The following SLC39A12 variants were observed in gnomAD, a reference collection of about 807,000 sequenced individuals.
SLC39A12 encodes the protein solute carrier family 39 member 12.
A neutral mutation model predicts 71.1 loss-of-function variants in SLC39A12; 63 were observed. The observed-to-expected ratio is 0.89, with a 90% CI of 0.72 to 1.09. The LOEUF (loss-of-function observed/expected upper bound fraction) is 1.09. Ranked by LOEUF, SLC39A12 falls within the 50% of genes least tolerant of loss-of-function variation. SLC39A12 has a pLI of 0.00. For missense variants in SLC39A12, 892 were observed against 812.6 expected, an observed-to-expected ratio of 1.10 and a Z score of -1.19; for synonymous variants, 351 against 301.3, an observed-to-expected ratio of 1.16 and a Z score of -1.71.
At chr10:18,039,760 A>T (rs186894160) in intron 12 of SLC39A12, among the ~76,000 whole-genome samples, 1 of 152,190 alleles carries the variant, frequency 6.6e-6, no homozygotes. Context: ...GAAAATTCCC[A>T]TGTATGTACC....
rs753956889 is a variant in SLC39A12 at position 17,987,517 on chromosome 10, C to A, written c.1135C>A (p.Leu379Met). The A allele has an allele frequency of 1.9e-6, 3 of 1,614,026 alleles. No individual in the cohort carries two copies. The highest frequency in any genetic ancestry group is 1.7e-5 in the Admixed American group (1 of 60,018). ...YSTVAVTLLT[L>M]GSMLGTALVL... is the part of the protein sequence containing the mutation. Reference sequence around the variant, plus strand: ...CACGGTGGCTGTCACCCTTCTCACACTGGGCTCCATGCTGGGGACAGCGCT... The same window carrying A: ...CACGGTGGCTGTCACCCTTCTCACAATGGGCTCCATGCTGGGGACAGCGCT... Residue 379 changes from leucine to methionine, a missense_variant, in exon 7 of 13, where the codon CTG (leucine) becomes ATG (methionine). Coordinates refer to ENST00000377369, the MANE Select transcript of SLC39A12 (RefSeq NM_001145195.2).
intron 9 of SLC39A12, among the ~76,000 whole-genome samples, chr10:17,995,247 G>T (rs1366376383): frequency 6.6e-6 from 1 of 152,120 alleles, no homozygotes; most frequent in Non-Finnish European, 1.5e-5. Flanking sequence ...AAAATACATC[G>T]ACTGCTCACA....
At chr10:18,011,900 T>G (rs763203047) in intron 12 of SLC39A12, among the ~76,000 whole-genome samples, 6 of 152,216 alleles carry the variant, frequency 3.9e-5, no homozygotes, top group Non-Finnish European at 8.8e-5. Flanking sequence ...TTTGAATTAT[T>G]CAGCAAATAA....
In SLC39A12 at chr10:18,032,914, GT is replaced by G. The variant is rs756523738; in HGVS notation, c.1948-9786del. Among the ~76,000 whole-genome samples, 667 of 127,898 alleles carry G rather than the reference GT, an allele frequency of 5.2e-3. 12 individuals carry two copies. Among genetic ancestry groups the G allele is most frequent in the Admixed American group, 0.011 (139 of 12,612 alleles). 83.9% of individuals were successfully genotyped at this position (127,898 alleles called of 152,430 possible). Reference sequence around the variant, plus strand: ...CTGCATCTATTGAGATAATCATGTGGTTTTTGTCTTTGGCTCTGTTTATATG... The same window carrying G: ...CTGCATCTATTGAGATAATCATGTGGTTTTGTCTTTGGCTCTGTTTATATG... On this transcript the variant is annotated intron_variant, in intron 12 of 12. Coordinates refer to ENST00000377369, the MANE Select transcript of SLC39A12 (RefSeq NM_001145195.2).
chr10:17,976,812 A>G (rs190592009), intron 4 of SLC39A12, among the ~76,000 whole-genome samples: 57 of 152,296 alleles, frequency 3.7e-4, no homozygotes, highest in Non-Finnish European at 6.9e-4. Context: ...GATGTTTGAT[A>G]TGCTTCTTGA....
intron 12 of SLC39A12, among the ~76,000 whole-genome samples, chr10:18,041,020 A>G (rs139622732): frequency 8.5e-5 from 13 of 152,144 alleles, no homozygotes; most frequent in East Asian, 3.9e-4. Context: ...GGGTCTCACA[A>G]TGAAGGATGA....
chr10:17,987,396 C>T (rs1412227964), intron 6 of SLC39A12, 83 bp from the exon 7 acceptor site: 32 of 1,304,324 alleles, frequency 2.5e-5, no homozygotes, highest in Non-Finnish European at 3.5e-5. Flanking sequence ...ACTGTAAGAC[C>T]AATTCTTCTG....
rs150002872 is a variant in SLC39A12 at position 17,988,181 on chromosome 10, G to A, written c.1269+530G>A. Among the ~76,000 whole-genome samples the A allele has an allele frequency of 6.3e-3, 961 of 152,246 alleles. 6 individuals carry two copies. The highest frequency in any genetic ancestry group is 0.012 in the Admixed American group (191 of 15,296). On this transcript the variant is annotated intron_variant, in intron 7 of 12. Coordinates refer to ENST00000377369, the MANE Select transcript of SLC39A12 (RefSeq NM_001145195.2). ...AAATTAGCTGGGCATAGTGCCATGC[G>A]TCTGTAATCCTAGCTACTCGGGAGG...
chr10:18,028,490 T>C (rs1461466767), intron 12 of SLC39A12, among the ~76,000 whole-genome samples: 1 of 152,178 alleles, frequency 6.6e-6, no homozygotes, highest in Non-Finnish European at 1.5e-5. Flanking sequence ...GAAACTCAGA[T>C]GTACAAGAAA....
intron 12 of SLC39A12, among the ~76,000 whole-genome samples, chr10:18,037,192 G>A (rs1409997361): frequency 6.6e-6 from 1 of 152,058 alleles, no homozygotes; most frequent in Non-Finnish European, 1.5e-5. Flanking sequence ...TTCTGTTGGT[G>A]TGTTTGCTGT....
At chr10:17,968,387 T>G (rs1369163376) in intron 4 of SLC39A12, among the ~76,000 whole-genome samples, 1 of 152,122 alleles carries the variant, frequency 6.6e-6, no homozygotes, top group Non-Finnish European at 1.5e-5. Context: ...ATTTATAGAG[T>G]CTTTCATATT....
At chr10:18,007,520 T>C (rs2130854379) in intron 12 of SLC39A12, among the ~76,000 whole-genome samples, 1 of 151,994 alleles carries the variant, frequency 6.6e-6, no homozygotes, top group South Asian at 2.1e-4. Flanking sequence ...TCAGAGAGAG[T>C]CCACAGTGCA....
chr10:18,017,554 AC>A (rs1451112671), intron 12 of SLC39A12, among the ~76,000 whole-genome samples: 1 of 151,730 alleles, frequency 6.6e-6, no homozygotes, highest in Non-Finnish European at 1.5e-5. Context: ...TGATCCACCC[AC>A]CTTTTTGTGA....
At chr10:17,963,336 A>G (rs1171196062) in intron 3 of SLC39A12, among the ~76,000 whole-genome samples, 1 of 152,204 alleles carries the variant, frequency 6.6e-6, no homozygotes. Context: ...TTACTGCCTC[A>G]TGGGTAACTC....
chr10:18,028,522 A>G (rs1328929714), intron 12 of SLC39A12, among the ~76,000 whole-genome samples: 1 of 151,880 alleles, frequency 6.6e-6, no homozygotes, highest in African/African-American at 2.4e-5. Flanking sequence ...TACGAGTTCC[A>G]GAGGATGTTT....
At chr10:17,957,727 G>A (rs1834585855) in intron 2 of SLC39A12, among the ~76,000 whole-genome samples, 1 of 152,088 alleles carries the variant, frequency 6.6e-6, no homozygotes, top group Non-Finnish European at 1.5e-5. Flanking sequence ...CCCCAGTAGA[G>A]CTTTTTGTCA....
rs781655858 is a variant in SLC39A12, at chr10:17,995,637, A to AT, written c.1534-13dup. ...GGCCATTACTTATCTTTCATCAGTTATTTTTTAATTTAAAATAGAAAAGCC... is the reference window on the plus strand; with the variant it reads ...GGCCATTACTTATCTTTCATCAGTTATTTTTTTAATTTAAAATAGAAAAGCC... On this transcript the variant is annotated intron_variant, in intron 9 of 12. Transcript: ENST00000377369. 30 of 1,607,226 alleles carry AT rather than the reference A, an allele frequency of 1.9e-5. No individual in the cohort carries two copies. In the South Asian group the frequency reaches 3.0e-4, roughly 16 times the overall value.
chr10:17,965,766 T>A (rs1226305136), intron 4 of SLC39A12, 76 bp downstream of exon 4: 2 of 1,173,244 alleles, frequency 1.7e-6, no homozygotes, highest in African/African-American at 3.1e-5. Flanking sequence ...AGGCCAAAGC[T>A]CTTGATGACT....
chr10:17,967,430 G>A (rs1834854155), intron 4 of SLC39A12, among the ~76,000 whole-genome samples: 1 of 152,022 alleles, frequency 6.6e-6, no homozygotes, highest in South Asian at 2.1e-4. Context: ...TTCCTTACTA[G>A]CGTAATAATC....
Sources: gnomAD v4.1 joint callset for allele counts (sites outside exome capture counted in the v4.1 genomes callset) on GRCh38, gnomAD v4.1.1 for gene constraint, MANE v1.5 for transcripts, NCBI Gene and HGNC (gene_info 2026-07-23, HGNC 2026-07-21) for gene names.